The following TMPO variants were observed in gnomAD, a reference collection of about 807,000 sequenced individuals.
TMPO encodes the protein LEM domain containing 4.
Under a neutral mutation model 45.4 loss-of-function variants are expected in TMPO, and 22 were observed. That is an observed-to-expected ratio of 0.48 (90% CI 0.35 to 0.69). The LOEUF is 0.69. TMPO is among the 30% of genes least tolerant of loss of function. TMPO has a pLI of 0.01. For synonymous variants in TMPO, 241 were observed against 204.1 expected (o/e 1.18, Z -1.54); for missense variants, 512 against 548.8 (o/e 0.93, Z 0.67).
intron 7 of TMPO, 47 bp from the exon 8 acceptor site, chr12:98,546,312 A>T: frequency 8.0e-7 from 1 of 1,251,540 alleles, no homozygotes; most frequent in Non-Finnish European, 1.2e-6. Context: ...TTGCATGTTT[A>T]CACTAAATTT....
intron 1 of TMPO, among the ~76,000 whole-genome samples, chr12:98,521,798 C>T (rs577739786): frequency 4.6e-5 from 7 of 152,050 alleles, no homozygotes; most frequent in East Asian, 1.9e-4. Context: ...GGCGCGATCT[C>T]GGCTCACTGC....
rs1875797863 is a variant in TMPO at position 98,516,229 on chromosome 12, C to CCGGGCGCCCCCT, written c.279+89_279+100dup. On this transcript the variant is annotated intron_variant, in intron 1 of 8. Transcript: ENST00000556029. ...CGCCGCCGTTTGCAGCCCCTCCCTC[C>CCGGGCGCCCCCT]CGGGCGCCCCCTCGGGCCTCCCAGG... The CCGGGCGCCCCCT allele has an allele frequency of 4.6e-6, 6 of 1,307,308 alleles. No homozygotes were observed. In the South Asian group the frequency reaches 9.3e-5, roughly 20 times the overall value. 81.0% of individuals were successfully genotyped at this position (1,307,308 alleles called of 1,614,324 possible).
chr12:98,528,716 T>C (rs1346624606), intron 2 of TMPO, among the ~76,000 whole-genome samples: 1 of 152,074 alleles, frequency 6.6e-6, no homozygotes, highest in Non-Finnish European at 1.5e-5. Flanking sequence ...CCCAACACTT[T>C]GGGAGGCCAA....
At chr12:98,528,141 C>T in intron 2 of TMPO, 129 bp downstream of exon 2, 1 of 1,050,386 alleles carries the variant, frequency 9.5e-7, no homozygotes, top group Non-Finnish European at 1.4e-6. Context: ...ATCAGCAGAA[C>T]CTGTGTTTCT....
Position 98,532,857 on chromosome 12 carries a change from T to C in TMPO, c.565+1019T>C. The C allele has an allele frequency of 6.2e-7, 1 of 1,614,200 alleles. No homozygotes were observed. The highest frequency in any genetic ancestry group is 1.7e-5 in the Admixed American group (1 of 60,018). On this transcript the variant is annotated intron_variant, in intron 3 of 8. Transcript: ENST00000556029. ...AAGAACACAAGAAAGTGAAGTCCACTAGGGATATTGTTCCTTTTTCTGAAC... is the reference window on the plus strand; with the variant it reads ...AAGAACACAAGAAAGTGAAGTCCACCAGGGATATTGTTCCTTTTTCTGAAC...
chr12:98,548,126 G>A lies in TMPO; in HGVS notation c.*268G>A. 9.0e-6 allele frequency: 3 copies of A among 331,720 alleles called. No individual in the cohort carries two copies. Among genetic ancestry groups the A allele is most frequent in the Middle Eastern group, 9.2e-4 (1 of 1,092 alleles). 20.5% of individuals were successfully genotyped at this position (331,720 alleles called of 1,614,324 possible). ...TTGTAGGCTTTATTTTTTTAATGTG[G>A]GCATCTTATTTCATTTTTGAAAAAA... is the stretch of plus-strand genomic sequence containing the variant. On this transcript the variant is annotated 3_prime_UTR_variant, in exon 9 of 9. Transcript: ENST00000556029.
intron 7 of TMPO, 64 bp downstream of exon 7, chr12:98,545,125 GTTTGTT>G: frequency 1.1e-5 from 6 of 542,502 alleles, no homozygotes; most frequent in East Asian, 8.0e-5. Context: ...ATAAATATTT[GTTTGTT>G]TTTTTTTTTT....
In TMPO at chr12:98,548,775, A is replaced by C. The variant is rs1412174730; in HGVS notation, c.*917A>C. 1 of 152,214 alleles carries C rather than the reference A, an allele frequency of 6.6e-6. No individual in the cohort carries two copies. The highest frequency in any genetic ancestry group is 2.4e-5 in the African/African-American group (1 of 41,458). 9.4% of individuals were successfully genotyped at this position (152,214 alleles called of 1,614,324 possible). On this transcript the variant is annotated 3_prime_UTR_variant, in exon 9 of 9. Transcript: ENST00000556029. ...ATTGCATTGTCTTGTTACCAGAAAC[A>C]AATTTTGCCGAGCTTTTTTTGCCCT... is the stretch of plus-strand genomic sequence containing the variant.
At chr12:98,519,162 G>C (rs556600160) in intron 1 of TMPO, among the ~76,000 whole-genome samples, 2 of 152,096 alleles carry the variant, frequency 1.3e-5, no homozygotes, top group African/African-American at 4.8e-5. Flanking sequence ...GATTACAGGC[G>C]TGAGCCACCG....
chr12:98,548,011 A>C lies in TMPO; in HGVS notation c.*153A>C. ...ATTGAAAAGCAAACAAAATATATAT[A>C]AATGGACTTCATTAAAATGTTTTTG... On this transcript the variant is annotated 3_prime_UTR_variant, in exon 9 of 9. Transcript: ENST00000556029. 5.9e-6 allele frequency: 5 copies of C among 841,732 alleles called. No homozygotes were observed. The highest frequency in any genetic ancestry group is 5.4e-6 in the Non-Finnish European group (3 of 552,640). The allele number at this position is 841,732 out of a possible 1,614,324, so 52.1% of individuals were successfully genotyped here. A position where few individuals can be genotyped will look rare whatever the true frequency, so the allele number is the denominator to read the frequency against.
At chr12:98,518,567 G>T (rs1253164541) in intron 1 of TMPO, among the ~76,000 whole-genome samples, 1 of 146,346 alleles carries the variant, frequency 6.8e-6, no homozygotes, top group African/African-American at 2.6e-5. Flanking sequence ...CTCAGCCTTG[G>T]TTCCTATTTA....
intron 8 of TMPO, 23 bp downstream of exon 8, chr12:98,546,470 G>C: frequency 7.0e-7 from 1 of 1,420,790 alleles, no homozygotes; most frequent in Non-Finnish European, 1.0e-6. Flanking sequence ...ATTTAAACAA[G>C]TACTAGTGTA....
intron 8 of TMPO, among the ~76,000 whole-genome samples, 182 bp from the exon 9 acceptor site, chr12:98,547,391 T>C (rs375785803): frequency 7.5e-4 from 114 of 152,308 alleles, no homozygotes; most frequent in African/African-American, 2.5e-3. Flanking sequence ...ACTTTTAAAA[T>C]AGAAAATATG....
At chr12:98,533,798 C>CT (rs1565811871) in intron 3 of TMPO, 3 of 1,614,186 alleles carry the variant, frequency 1.9e-6, no homozygotes. Flanking sequence ...AGGCAGCTGC[C>CT]TTCACTGGCA....
intron 7 of TMPO, among the ~76,000 whole-genome samples, chr12:98,545,836 G>A (rs186189978): frequency 0.025 from 3,852 of 152,002 alleles, 96 homozygotes; most frequent in Non-Finnish European, 0.037. Flanking sequence ...GGGTTCAAGC[G>A]ATTCTCCTGC....
At chr12:98,546,552 T>G (rs1030062644) in intron 8 of TMPO, 105 bp downstream of exon 8, 4 of 926,556 alleles carry the variant, frequency 4.3e-6, no homozygotes, top group Non-Finnish European at 7.1e-6. Flanking sequence ...ATTAAGCTGT[T>G]TTTTTGGAGC....
chr12:98,528,572 T>A (rs1876957545), intron 2 of TMPO, among the ~76,000 whole-genome samples: 1 of 151,480 alleles, frequency 6.6e-6, no homozygotes, highest in South Asian at 2.1e-4. Flanking sequence ...CCACCGTGCC[T>A]GGCCACTTAT....
chr12:98,544,910 G>A, intron 6 of TMPO, 41 bp from the exon 7 acceptor site: 1 of 1,383,128 alleles, frequency 7.2e-7, no homozygotes, highest in Non-Finnish European at 1.0e-6. Flanking sequence ...TCTGTGTTAT[G>A]TTTGGATAAT....
intron 4 of TMPO, chr12:98,537,796 C>G (rs761730932): frequency 4.7e-6 from 3 of 632,252 alleles, no homozygotes; most frequent in Non-Finnish European, 5.6e-6. Flanking sequence ...GTGTTTGAGT[C>G]TGTGCTAGAT....
Sources: allele counts gnomAD v4.1 joint callset (sites outside exome capture counted in the v4.1 genomes callset), GRCh38; gene constraint gnomAD v4.1.1; transcripts MANE v1.5; gene names NCBI Gene and HGNC (gene_info 2026-07-23, HGNC 2026-07-21).